The following PLBD2 variants were observed in gnomAD, a reference collection of about 807,000 sequenced individuals.
PLBD2 encodes the protein putative aminopeptidase PLBD2.
PLBD2 carries 51 observed loss-of-function variants against 68.3 expected under a neutral mutation model. That is an observed-to-expected ratio of 0.75 (90% CI 0.60 to 0.94). The LOEUF (loss-of-function observed/expected upper bound fraction) is 0.94. Ranked by LOEUF, PLBD2 falls within the 40% of genes least tolerant of loss-of-function variation. PLBD2 has a pLI of 0.00. For synonymous variants in PLBD2, 314 were observed against 339.3 expected (o/e 0.93, Z 0.82); for missense variants, 729 against 792.2 (o/e 0.92, Z 0.96).
At position 113,387,898 on chromosome 12, in the gene PLBD2, G is replaced by A. The variant is rs1245883529; in HGVS notation, c.1594G>A (p.Asp532Asn). The A allele has an allele frequency of 6.8e-6, 11 of 1,614,002 alleles. No homozygotes were observed. The highest frequency in any genetic ancestry group is 9.3e-6 in the Non-Finnish European group (11 of 1,180,004). The stretch of plus-strand genomic sequence containing the variant: ...GCGTCAGCGCTCCCATGGGGGTATC[G>A]ATGTGAAGGTGCTGCCTCCTCCCTA... Reference protein sequence around the residue: ...ALRQRSHGGIDVKVTSMSLAR... With the variant: ...ALRQRSHGGINVKVTSMSLAR... Residue 532 changes from aspartate to asparagine, a missense_variant, in exon 11 of 12, where the codon GAT becomes AAT. Transcript: ENST00000280800.
At chr12:113,363,221 GC>G (rs1446054023) in intron 1 of PLBD2, among the ~76,000 whole-genome samples, 2 of 152,106 alleles carry the variant, frequency 1.3e-5, no homozygotes, top group Non-Finnish European at 2.9e-5. Flanking sequence ...GATTGCTTGA[GC>G]CCAGGAGTTT....
intron 10 of PLBD2, among the ~76,000 whole-genome samples, chr12:113,387,540 G>A (rs963438550): frequency 1.3e-5 from 2 of 152,218 alleles, no homozygotes; most frequent in South Asian, 4.1e-4. Context: ...TGCCTGAGCA[G>A]AGAGCTGAAT....
chr12:113,360,222 C>T (rs1957278751), intron 1 of PLBD2, among the ~76,000 whole-genome samples: 1 of 152,060 alleles, frequency 6.6e-6, no homozygotes, highest in South Asian at 2.1e-4. Flanking sequence ...AGAGAGGAGG[C>T]CACAGAGTGA....
intron 1 of PLBD2, among the ~76,000 whole-genome samples, chr12:113,360,759 G>A (rs7958115): frequency 1.3e-5 from 2 of 152,320 alleles, no homozygotes; most frequent in Non-Finnish European, 2.9e-5. Context: ...GGGTTCAAGC[G>A]ATTCTCGTGT....
At chr12:113,363,383 A>G (rs1371537091) in intron 1 of PLBD2, among the ~76,000 whole-genome samples, 1 of 152,082 alleles carries the variant, frequency 6.6e-6, no homozygotes, top group Non-Finnish European at 1.5e-5. Context: ...CTGAGCTGTG[A>G]TCACGCCAGT....
intron 9 of PLBD2, 119 bp downstream of exon 9, chr12:113,385,402 C>T (rs1957541857): frequency 1.1e-6 from 1 of 951,574 alleles, no homozygotes; most frequent in Non-Finnish European, 1.6e-6. Context: ...AGCCTACCCC[C>T]TTTTCTGGCC....
chr12:113,368,886 T>G (rs527391981), intron 1 of PLBD2, among the ~76,000 whole-genome samples: 35 of 152,314 alleles, frequency 2.3e-4, no homozygotes, highest in African/African-American at 8.2e-4. Context: ...TCTGCATTTT[T>G]GGGGGAGGCT....
Position 113,384,372 on chromosome 12 carries a change from C to T in PLBD2, c.1118+107C>T. On this transcript the variant is annotated intron_variant, in intron 7 of 11. Transcript: ENST00000280800. The surrounding 1 kb of genome is among the most constrained non-coding windows in gnomAD (Gnocchi z 4.2). ...CCAGATGTGGCATCCGGGCCACACA[C>T]CCCACGCCCTCCTTTGTTTCATACA... 1.5e-6 allele frequency: 2 copies of T among 1,342,264 alleles called. No homozygotes were observed. Among genetic ancestry groups the T allele is most frequent in the Non-Finnish European group, 2.0e-6 (2 of 989,160 alleles). 83.1% of individuals were successfully genotyped at this position (1,342,264 alleles called of 1,614,324 possible). A position where few individuals can be genotyped will look rare whatever the true frequency, so the allele number is the denominator to read the frequency against.
At chr12:113,364,087 T>A (rs1010009424) in intron 1 of PLBD2, among the ~76,000 whole-genome samples, 1 of 152,234 alleles carries the variant, frequency 6.6e-6, no homozygotes, top group African/African-American at 2.4e-5. Context: ...GGAAGGCCCG[T>A]CTTTTCTGGC....
At chr12:113,375,071 C>A in intron 5 of PLBD2, 64 bp downstream of exon 5, 1 of 1,492,986 alleles carries the variant, frequency 6.7e-7, no homozygotes, top group Non-Finnish European at 9.3e-7. Flanking sequence ...GGGGAGTGGT[C>A]CTAGGAGGTT....
At chr12:113,382,958 G>T (rs1361201311) in intron 6 of PLBD2, among the ~76,000 whole-genome samples, 1 of 148,274 alleles carries the variant, frequency 6.7e-6, no homozygotes, top group African/African-American at 2.5e-5. Flanking sequence ...TGCAACCTTC[G>T]CTTCCAGGGT....
intron 1 of PLBD2, among the ~76,000 whole-genome samples, chr12:113,364,204 G>T (rs771258370): frequency 2.0e-5 from 3 of 152,240 alleles, no homozygotes; most frequent in Non-Finnish European, 4.4e-5. Flanking sequence ...CGTCTCCGGG[G>T]CCTCAGTGCC....
At chr12:113,368,831 ATGT>A (rs1416269512) in intron 1 of PLBD2, among the ~76,000 whole-genome samples, 6 of 152,070 alleles carry the variant, frequency 3.9e-5, no homozygotes, top group Admixed American at 3.9e-4. Flanking sequence ...TCCTCAATGG[ATGT>A]TGTTAGCTGG....
intron 6 of PLBD2, among the ~76,000 whole-genome samples, chr12:113,382,241 A>T (rs1957497907): frequency 6.6e-6 from 1 of 152,224 alleles, no homozygotes; most frequent in Non-Finnish European, 1.5e-5. Context: ...TGCTTTATTA[A>T]CACACTGAAT....
At chr12:113,375,979 G>A (rs1181749632) in intron 5 of PLBD2, among the ~76,000 whole-genome samples, 28 of 148,282 alleles carry the variant, frequency 1.9e-4, no homozygotes, top group African/African-American at 5.5e-4. Flanking sequence ...TCAGCCTCTC[G>A]AGTAGCTGGG....
Position 113,358,881 on chromosome 12 carries a change from G to A in PLBD2, c.281G>A (p.Arg94His), listed in dbSNP as rs1019924029. Residue 94 changes from arginine to histidine, a missense_variant, in exon 1 of 12, where the codon CGC becomes CAC. Transcript: ENST00000280800. The stretch of plus-strand genomic sequence containing the variant: ...TGGGCCAACCTCACCAACGCCATCC[G>A]CGAGACTGGGTAAGGGTTGGCTTAT... Reference protein sequence around the residue: ...VAWANLTNAIRETGWAFLELG... With the variant: ...VAWANLTNAIHETGWAFLELG... 2 of 1,524,022 alleles carry A rather than the reference G, an allele frequency of 1.3e-6. No individual in the cohort carries two copies. The highest frequency in any genetic ancestry group is 1.8e-6 in the Non-Finnish European group (2 of 1,138,310). 94.4% of individuals were successfully genotyped at this position (1,524,022 alleles called of 1,614,324 possible). A position where few individuals can be genotyped will look rare whatever the true frequency, so the allele number is the denominator to read the frequency against.
At position 113,388,521 on chromosome 12, in the gene PLBD2, C is replaced by G; in HGVS notation, c.1665C>G (p.Asp555Glu). The change falls in exon 12 of 12, where the codon GAC becomes GAG. Residue 555 changes from aspartate (D) to glutamate (E), a missense_variant. Physicochemically the swap from Asp to Glu is conservative, Grantham distance 45 (BLOSUM62 2). Transcript: ENST00000280800. ...TGGCGGCCAGCGGTCCCACGTGGGA[C>G]CAGGTGCCCCCGTTCCAGTGGAGCA... is the stretch of plus-strand genomic sequence containing the variant. Reference protein sequence around the residue: ...SLLAASGPTWDQVPPFQWSTS... With the variant: ...SLLAASGPTWEQVPPFQWSTS... The G allele has an allele frequency of 6.2e-7, 1 of 1,610,340 alleles. No individual in the cohort carries two copies. Among genetic ancestry groups the G allele is most frequent in the Non-Finnish European group, 8.5e-7 (1 of 1,179,060 alleles).
chr12:113,367,280 A>G (rs1255401904), intron 1 of PLBD2, among the ~76,000 whole-genome samples: 1 of 152,256 alleles, frequency 6.6e-6, no homozygotes, highest in Non-Finnish European at 1.5e-5. Flanking sequence ...AACTAATTTA[A>G]AAATTGGAAG....
At chr12:113,374,336 G>C (rs932027728) in intron 3 of PLBD2, 138 bp from the exon 4 acceptor site, 8 of 620,150 alleles carry the variant, frequency 1.3e-5, no homozygotes, top group Non-Finnish European at 2.0e-5. Context: ...GGGAGTCAAG[G>C]CTGGCTGGAG....
Sources: allele counts gnomAD v4.1 joint callset (sites outside exome capture counted in the v4.1 genomes callset), GRCh38; gene constraint gnomAD v4.1.1; non-coding constraint Gnocchi (gnomAD v3.1); transcripts MANE v1.5; gene names NCBI Gene and HGNC (gene_info 2026-07-23, HGNC 2026-07-21).